P2RX5: variants seen among roughly 807,000 people sequenced by gnomAD.
The protein encoded by P2RX5 is P2X purinoceptor 5.
P2RX5 carries 46 observed loss-of-function variants against 54.1 expected under a neutral mutation model. The ratio of observed to expected loss-of-function variants is 0.85; its 90% CI spans 0.67 to 1.09. The LOEUF is 1.09. Among genes scored for constraint, P2RX5 ranks in the 50% least tolerant of loss-of-function variants. The pLI is 0.00. For synonymous variants in P2RX5, 226 were observed against 226.4 expected (o/e 1.00, Z 0.02); for missense variants, 566 against 549.8 (o/e 1.03, Z -0.29).
At position 3,688,057 on chromosome 17, in the gene P2RX5, C is replaced by G; in HGVS notation, c.936G>C (p.Leu312=). ...CAAAGCGGATCCCGTAGGCTTTCAT[C>G]AGGGTGCGGAACTCCACCCCGGCTG... The part of the protein sequence containing the change: ...RDAAGVEFRT[L]MKAYGIRFDV... Residue 312 remains leucine, a synonymous_variant, in exon 9 of 12, where the codon CTG becomes CTC. Coordinates refer to ENST00000225328, the MANE Select transcript of P2RX5 (RefSeq NM_002561.4). 6.2e-7 allele frequency: 1 copy of G among 1,605,810 alleles called. No individual in the cohort carries two copies. The highest frequency in any genetic ancestry group is 8.5e-7 in the Non-Finnish European group (1 of 1,176,400).
At chr17:3,688,809 A>C in intron 7 of P2RX5, 50 bp from the exon 8 acceptor site, 1 of 1,606,664 alleles carries the variant, frequency 6.2e-7, no homozygotes, top group Non-Finnish European at 8.5e-7. Context: ...CCGGAGACGG[A>C]CAGCATCCCA....
intron 11 of P2RX5, chr17:3,676,285 G>A: frequency 1.0e-6 from 1 of 985,408 alleles, no homozygotes; most frequent in Non-Finnish European, 1.2e-6. Context: ...TTTGACAGGG[G>A]AGACTGGGTC....
chr17:3,723,197 A>G, the P2RX5 span: 1 of 907,288 alleles, frequency 1.1e-6, no homozygotes, highest in African/African-American at 1.6e-5. Context: ...TTGGACATGG[A>G]CATGTTATGC....
chr17:3,713,351 C>A, the P2RX5 span, among the ~76,000 whole-genome samples: 6 of 147,614 alleles, frequency 4.1e-5, no homozygotes, highest in South Asian at 4.2e-4. Context: ...CACAGTGAGA[C>A]CCCCCCAAAA....
rs758806358 is a variant in P2RX5, at chr17:3,689,644, A to G, written c.615-14T>C. ...ATCACATTGCTTCTGGGTGGAGGCC[A>G]TGGGCAGCCGAGAAATGAAGTAAGA... On this transcript the variant is annotated splice_polypyrimidine_tract_variant and intron_variant, in intron 6 of 11. Coordinates refer to ENST00000225328, the MANE Select transcript of P2RX5 (RefSeq NM_002561.4). 2 of 1,614,070 alleles carry G rather than the reference A, an allele frequency of 1.2e-6. No individual in the cohort carries two copies. Among genetic ancestry groups the G allele is most frequent in the East Asian group, 2.2e-5 (1 of 44,886 alleles).
intron 11 of P2RX5, among the ~76,000 whole-genome samples, chr17:3,676,837 G>A (rs530127517): frequency 1.3e-3 from 199 of 152,300 alleles, no homozygotes; most frequent in African/African-American, 4.5e-3. Context: ...CAAGGCTGGC[G>A]GATCACCTGA....
chr17:3,690,010 A>C, intron 6 of P2RX5, 60 bp downstream of exon 6: 1 of 1,460,194 alleles, frequency 6.8e-7, no homozygotes, highest in East Asian at 2.3e-5. Context: ...ACGGAGGGCC[A>C]GCCAAGGCCC....
At chr17:3,709,227 G>C in the P2RX5 span, among the ~76,000 whole-genome samples, 1 of 152,078 alleles carries the variant, frequency 6.6e-6, no homozygotes, top group Non-Finnish European at 1.5e-5. Flanking sequence ...GCCCGGCTCA[G>C]AATATGGGTT....
At chr17:3,696,417 A>G (rs2050760310), upstream of P2RX5, 1 of 157,940 alleles carries the variant, frequency 6.3e-6, no homozygotes, top group South Asian at 2.0e-4. Flanking sequence ...AGAGGAAGTG[A>G]AAGGGGGAAG....
the P2RX5 span, among the ~76,000 whole-genome samples, chr17:3,719,390 T>C: frequency 6.6e-6 from 1 of 152,126 alleles, no homozygotes; most frequent in East Asian, 1.9e-4. Context: ...CCAGCATCAC[T>C]CTCCTGACAT....
chr17:3,690,403 G>T (rs2050578651), intron 5 of P2RX5, 24 bp downstream of exon 5: 1 of 1,571,852 alleles, frequency 6.4e-7, no homozygotes, highest in Non-Finnish European at 8.7e-7. Flanking sequence ...AACCCCTCAG[G>T]GTCCTGAGGC....
intron 11 of P2RX5, chr17:3,675,734 G>C (rs973269225): frequency 3.1e-6 from 2 of 642,706 alleles, no homozygotes; most frequent in African/African-American, 2.0e-5. Flanking sequence ...TGTATTTTTA[G>C]TAGAGATGGG....
chr17:3,679,591 T>C lies in P2RX5; in HGVS notation c.1258A>G (p.Arg420Gly). The stretch of plus-strand genomic sequence containing the variant: ...CTCTCTGCCTAGCAGTGGCCTCACC[T>C]GTGGGGCTCCAGGAGCTGTGGGCAC... The part of the protein sequence containing the change: ...SVCPQLLEPH[R>G]ST The change falls in exon 11 of 12, where the codon AGG (arginine) becomes GGG (glycine). Residue 420 changes from arginine (R) to glycine (G), a missense_variant and splice_region_variant. Coordinates refer to ENST00000225328, the MANE Select transcript of P2RX5 (RefSeq NM_002561.4). 6.2e-7 allele frequency: 1 copy of C among 1,606,622 alleles called. No homozygotes were observed.
chr17:3,706,772 C>G, the P2RX5 span, among the ~76,000 whole-genome samples: 10 of 152,292 alleles, frequency 6.6e-5, no homozygotes, highest in East Asian at 1.9e-3. Flanking sequence ...CCACCACGCC[C>G]GGCTAATTTT....
chr17:3,673,824 G>C lies in P2RX5; in HGVS notation c.*44C>G. 1 of 1,612,644 alleles carries C rather than the reference G, an allele frequency of 6.2e-7. No homozygotes were observed. The highest frequency in any genetic ancestry group is 8.5e-7 in the Non-Finnish European group (1 of 1,179,996). The stretch of plus-strand genomic sequence containing the variant: ...AAAGGCATGGGATCACTGGGTGCTA[G>C]ACGGCTGGGTTTAGGACAGGGCCTG... On this transcript the variant is annotated 3_prime_UTR_variant, in exon 12 of 12. Coordinates refer to ENST00000225328, the MANE Select transcript of P2RX5 (RefSeq NM_002561.4).
chr17:3,679,701 A>G lies in P2RX5; in HGVS notation c.1148T>C (p.Leu383Pro). ...CTCCTGCTGCTCCGGCATCCCCAGCAGCCCTGGCCCAGATGTGAGCTGCTC... is the reference window on the plus strand; with the variant it reads ...CTCCTGCTGCTCCGGCATCCCCAGCGGCCCTGGCCCAGATGTGAGCTGCTC... ...LSEQLTSGPG[L>P]LGMPEQQELQ... The change falls in exon 11 of 12, where the codon CTG becomes CCG. Residue 383 changes from leucine to proline, a missense_variant. By Grantham distance (98) the Leu-to-Pro change is moderately conservative (BLOSUM62 -3). Coordinates refer to ENST00000225328, the MANE Select transcript of P2RX5 (RefSeq NM_002561.4). 6.2e-7 allele frequency: 1 copy of G among 1,612,366 alleles called. No individual in the cohort carries two copies. Among genetic ancestry groups the G allele is most frequent in the Non-Finnish European group, 8.5e-7 (1 of 1,179,828 alleles).
rs766359863 is a variant in P2RX5 at position 3,688,631 on chromosome 17, G to C, written c.882C>G (p.Asn294Lys). The change falls in exon 8 of 12, where the codon AAC (asparagine) becomes AAG (lysine). Residue 294 changes from asparagine (N) to lysine (K), a missense_variant. Transcript: ENST00000225328. ...GGGCACAAGGCAGCGGTTACCTGAA[G>C]TTGTACCCGGAGGAGACAGACTTTG... Reference protein sequence around the residue: ...KLSKSVSSGYNFRFARYYRDA... With the variant: ...KLSKSVSSGYKFRFARYYRDA... The C allele has an allele frequency of 6.2e-7, 1 of 1,614,156 alleles. No individual in the cohort carries two copies. The highest frequency in any genetic ancestry group is 1.7e-5 in the Admixed American group (1 of 60,030).
chr17:3,704,137 C>A, the P2RX5 span, among the ~76,000 whole-genome samples: 1 of 152,130 alleles, frequency 6.6e-6, no homozygotes, highest in Admixed American at 6.5e-5. Context: ...AAAAACCACA[C>A]AAAACCCAAA....
intron 9 of P2RX5, chr17:3,682,436 G>A (rs1036084579): frequency 1.2e-5 from 3 of 251,146 alleles, no homozygotes; most frequent in Non-Finnish European, 2.4e-5. Context: ...GACTAAAGAG[G>A]AGTTTATACA....
Sources: allele counts gnomAD v4.1 joint callset (sites outside exome capture counted in the v4.1 genomes callset), GRCh38; gene constraint gnomAD v4.1.1; transcripts MANE v1.5; gene names NCBI Gene and HGNC (gene_info 2026-07-23, HGNC 2026-07-21).